Variants in MDGA2 observed in about 807,000 individuals in gnomAD.
MDGA2 encodes the protein MAM domain-containing glycosylphosphatidylinositol anchor protein 2.
MDGA2 carries 40 observed loss-of-function variants against 117.8 expected under a neutral mutation model. That is an observed-to-expected ratio of 0.34 (90% CI 0.26 to 0.44). The LOEUF is 0.44. Ranked by LOEUF, MDGA2 falls within the 20% of genes least tolerant of loss-of-function variation. The pLI is 1.00. For synonymous variants in MDGA2, 452 were observed against 439.0 expected (o/e 1.03, Z -0.37); for missense variants, 1,123 against 1,250.6 (o/e 0.90, Z 1.54).
intron 1 of MDGA2, among the ~76,000 whole-genome samples, chr14:47,547,223 G>A (rs936900042): frequency 3.9e-5 from 6 of 152,138 alleles, no homozygotes; most frequent in Non-Finnish European, 8.8e-5. Context: ...AAGAAAGACT[G>A]CATCCAGTAT....
At chr14:47,114,079 G>A (rs1881191632) in intron 5 of MDGA2, among the ~76,000 whole-genome samples, 1 of 152,066 alleles carries the variant, frequency 6.6e-6, no homozygotes, top group South Asian at 2.1e-4. Context: ...CAAAATCAAT[G>A]TGCAAAAATC....
chr14:47,518,824 C>A (rs898350843), intron 1 of MDGA2, among the ~76,000 whole-genome samples: 2 of 152,160 alleles, frequency 1.3e-5, no homozygotes, highest in East Asian at 1.9e-4. Flanking sequence ...AGATAATTAG[C>A]TAAGTGCTAG....
chr14:47,164,244 T>C (rs1883767538), intron 3 of MDGA2, among the ~76,000 whole-genome samples: 1 of 152,192 alleles, frequency 6.6e-6, no homozygotes, highest in Admixed American at 6.5e-5. Flanking sequence ...GGCTATTTCT[T>C]ATCCTGCTAT....
intron 1 of MDGA2, among the ~76,000 whole-genome samples, chr14:47,399,924 C>T (rs117884366): frequency 6.6e-6 from 1 of 152,068 alleles, no homozygotes; most frequent in East Asian, 1.9e-4. Flanking sequence ...TGGAGTGTGG[C>T]ACTGAGAATA....
chr14:47,221,195 T>C (rs1194941671), intron 2 of MDGA2, among the ~76,000 whole-genome samples: 3 of 152,032 alleles, frequency 2.0e-5, no homozygotes, highest in Non-Finnish European at 4.4e-5. Context: ...GGGAATGTAA[T>C]GCAAAGCAGA....
chr14:47,340,228 A>G (rs1175108860), intron 1 of MDGA2, among the ~76,000 whole-genome samples: 5 of 152,118 alleles, frequency 3.3e-5, no homozygotes, highest in African/African-American at 1.2e-4. Flanking sequence ...ACAGCAGGAT[A>G]TACTCAATTG....
At chr14:47,174,653 G>A (rs1488746664) in intron 3 of MDGA2, among the ~76,000 whole-genome samples, 4 of 152,252 alleles carry the variant, frequency 2.6e-5, no homozygotes, top group East Asian at 3.9e-4. Context: ...AAAGCAGTGA[G>A]TAGATGGAAA....
chr14:47,602,809 C>T (rs991798235), intron 1 of MDGA2, among the ~76,000 whole-genome samples: 3 of 152,232 alleles, frequency 2.0e-5, no homozygotes, highest in African/African-American at 4.8e-5. Flanking sequence ...CTGTGAAATA[C>T]GTTGTACTAT....
chr14:47,124,899 T>C (rs747308570), intron 5 of MDGA2, among the ~76,000 whole-genome samples: 6 of 152,112 alleles, frequency 3.9e-5, no homozygotes, highest in Non-Finnish European at 7.4e-5. Flanking sequence ...ACTTTTGACC[T>C]CTAGACCTAT....
chr14:47,054,634 G>T (rs1313968673), intron 7 of MDGA2, among the ~76,000 whole-genome samples: 1 of 151,750 alleles, frequency 6.6e-6, no homozygotes, highest in Non-Finnish European at 1.5e-5. Context: ...AAAACAGCAT[G>T]GTACTGGTAC....
rs146140324 is a variant in MDGA2 at position 47,492,334 on chromosome 14, G to C, written c.280+182183C>G. Among the ~76,000 whole-genome samples the C allele has an allele frequency of 1.7e-3, 255 of 152,190 alleles. 1 individual carries two copies. Among genetic ancestry groups the C allele is most frequent in the African/African-American group, 5.9e-3 (245 of 41,546 alleles). The stretch of plus-strand genomic sequence containing the variant: ...GATATATTCACTCAATCATCCATTA[G>C]ACAAAGATTTAAGTCTCTGTTTAAG... On this transcript the variant is annotated intron_variant, in intron 1 of 16. Coordinates refer to ENST00000399232, the MANE Select transcript of MDGA2 (RefSeq NM_001113498.3).
intron 9 of MDGA2, among the ~76,000 whole-genome samples, chr14:46,936,289 T>A (rs563464552): frequency 6.6e-6 from 1 of 152,110 alleles, no homozygotes; most frequent in African/African-American, 2.4e-5. Context: ...AGAACAGATA[T>A]ACACCTTTCC....
At chr14:47,172,655 C>G (rs1884212489) in intron 3 of MDGA2, among the ~76,000 whole-genome samples, 1 of 152,104 alleles carries the variant, frequency 6.6e-6, no homozygotes, top group Non-Finnish European at 1.5e-5. Context: ...CTGTACATCA[C>G]CATCATCAAA....
At chr14:47,482,896 G>A (rs1415755562) in intron 1 of MDGA2, among the ~76,000 whole-genome samples, 1 of 142,004 alleles carries the variant, frequency 7.0e-6, no homozygotes, top group Admixed American at 7.6e-5. Context: ...TCGGATGGTG[G>A]AGTAATGAAA....
chr14:47,402,827 A>G (rs1406586146), intron 1 of MDGA2, among the ~76,000 whole-genome samples: 5 of 152,136 alleles, frequency 3.3e-5, no homozygotes, highest in Admixed American at 2.6e-4. Context: ...ATTAAGTATT[A>G]TAGTTAATTT....
intron 8 of MDGA2, among the ~76,000 whole-genome samples, chr14:47,015,710 A>T (rs1284628632): frequency 6.6e-6 from 1 of 152,106 alleles, no homozygotes; most frequent in Non-Finnish European, 1.5e-5. Flanking sequence ...GACTCAAGAA[A>T]GGGTAAGCAA....
chr14:47,372,446 T>C (rs1314959076), intron 1 of MDGA2, among the ~76,000 whole-genome samples: 1 of 151,870 alleles, frequency 6.6e-6, no homozygotes, highest in Non-Finnish European at 1.5e-5. Context: ...GAAGAGGAAA[T>C]TTAAATTGCT....
intron 15 of MDGA2, among the ~76,000 whole-genome samples, chr14:46,848,086 G>C (rs1229582065): frequency 2.0e-5 from 3 of 151,910 alleles, no homozygotes; most frequent in Non-Finnish European, 4.4e-5. Context: ...CTTTATGTGG[G>C]GAAGTGAGAT....
At chr14:47,105,086 A>C (rs1426121044) in intron 5 of MDGA2, among the ~76,000 whole-genome samples, 1 of 133,384 alleles carries the variant, frequency 7.5e-6, no homozygotes, top group African/African-American at 2.9e-5. Context: ...TCACGTTTCA[A>C]GGGTGTCAGA....
Sources: allele counts gnomAD v4.1 joint callset (sites outside exome capture counted in the v4.1 genomes callset), GRCh38; gene constraint gnomAD v4.1.1; transcripts MANE v1.5; gene names NCBI Gene and HGNC (gene_info 2026-07-23, HGNC 2026-07-21).